Variants in KCNC4 observed in about 807,000 individuals in gnomAD.
The protein encoded by KCNC4 is voltage-gated potassium channel KCNC4.
A neutral mutation model predicts 42.8 loss-of-function variants in KCNC4; 23 were observed. The observed-to-expected ratio is 0.54, with a 90% CI of 0.39 to 0.76. The LOEUF (loss-of-function observed/expected upper bound fraction) is 0.76, where lower values mean the gene tolerates loss of function less well. Ranked by LOEUF, KCNC4 falls within the 30% of genes least tolerant of loss-of-function variation. The pLI is 0.00. For synonymous variants in KCNC4, 422 were observed against 393.5 expected (o/e 1.07, Z -0.86); for missense variants, 751 against 898.2 (o/e 0.84, Z 2.10).
chr1:110,278,512 G>A (rs1659764567), intron 1 of KCNC4, among the ~76,000 whole-genome samples: 1 of 152,156 alleles, frequency 6.6e-6, no homozygotes, highest in African/African-American at 2.4e-5. Flanking sequence ...TATCAATTGT[G>A]CCAAGGTTGA....
rs571660391 is a variant in KCNC4, at chr1:110,230,577, C to T, written c.1820-2334C>T. On this transcript the variant is annotated intron_variant, in intron 3 of 3. Coordinates refer to ENST00000438661, the MANE Select transcript of KCNC4 (RefSeq NM_001039574.3). ...CACGGCACCCACCGCCTCCTTCCCT[C>T]TCTTCCCTCCCACAGGGCTGGGTCT... Among the ~76,000 whole-genome samples the T allele has an allele frequency of 3.0e-4, 45 of 152,364 alleles. No individual in the cohort carries two copies. The South Asian group carries it at 8.3e-3, about 28-fold the overall frequency.
intron 1 of KCNC4, among the ~76,000 whole-genome samples, chr1:110,272,253 T>C (rs1659649333): frequency 6.6e-6 from 1 of 152,208 alleles, no homozygotes; most frequent in African/African-American, 2.4e-5. Context: ...ATTCACCCTC[T>C]TGAGAATTTC....
At chr1:110,251,368 C>A (rs1188003633), downstream of KCNC4, among the ~76,000 whole-genome samples, 2 of 152,176 alleles carry the variant, frequency 1.3e-5, no homozygotes, top group Admixed American at 6.5e-5. Flanking sequence ...ATAGTGAATA[C>A]ATCTCATGAG....
At chr1:110,248,481 G>A (rs757670044) in exon 4 of KCNC4, 11 of 151,006 alleles carry the variant, frequency 7.3e-5, no homozygotes, top group Non-Finnish European at 8.9e-5. Flanking sequence ...AGAGATTCAA[G>A]TGATTTGTAT....
Position 110,271,834 on chromosome 1 carries a change from A to C in KCNC4, n.31-10700A>C, listed in dbSNP as rs116180038. 9.5e-3 allele frequency among the ~76,000 whole-genome samples: 1,443 copies of C among 152,222 alleles called. 27 individuals are homozygous for C. Among genetic ancestry groups the C allele is most frequent in the African/African-American group, 0.033 (1,373 of 41,524 alleles). On this transcript the variant is annotated intron_variant and non_coding_transcript_variant, in intron 1 of 2. Coordinates refer to the KCNC4 transcript ENST00000412512. Reference sequence around the variant, plus strand: ...TTGGGAATCTTCCCTCTTGCTGCCAACTGTACAGTGACTCTGAAAAGCATC... The same window carrying C: ...TTGGGAATCTTCCCTCTTGCTGCCACCTGTACAGTGACTCTGAAAAGCATC...
intron 1 of KCNC4, among the ~76,000 whole-genome samples, chr1:110,218,786 A>G (rs772237022): frequency 6.6e-6 from 1 of 152,142 alleles, no homozygotes; most frequent in African/African-American, 2.4e-5. Flanking sequence ...GGACAGTCCA[A>G]CGGTGGGGTT....
exon 4 of KCNC4, chr1:110,246,430 G>C (rs1387902161): frequency 6.6e-6 from 1 of 152,192 alleles, no homozygotes; most frequent in Non-Finnish European, 1.5e-5. Flanking sequence ...CCACAGAACA[G>C]CTCCTTGAAC....
intron 3 of KCNC4, chr1:110,232,520 G>T: frequency 7.0e-7 from 1 of 1,436,152 alleles, no homozygotes; most frequent in South Asian, 1.5e-5. Context: ...GCAGAGCTAT[G>T]GTCCCTTTCT....
chr1:110,250,782 C>T (rs1659237577), downstream of KCNC4, among the ~76,000 whole-genome samples: 1 of 152,134 alleles, frequency 6.6e-6, no homozygotes, highest in Non-Finnish European at 1.5e-5. Context: ...AGCCAGTCTG[C>T]TAGGAGAGGC....
chr1:110,218,325 C>T (rs1326804044), intron 1 of KCNC4, among the ~76,000 whole-genome samples: 1 of 152,146 alleles, frequency 6.6e-6, no homozygotes, highest in Non-Finnish European at 1.5e-5. Flanking sequence ...AGATTGTAGC[C>T]TCAGGACCTT....
At chr1:110,278,296 A>T (rs1482001746) in intron 1 of KCNC4, among the ~76,000 whole-genome samples, 1 of 152,178 alleles carries the variant, frequency 6.6e-6, no homozygotes, top group African/African-American at 2.4e-5. Flanking sequence ...CTTTATCCAT[A>T]GATTGAGATG....
rs1187322989 is a variant in KCNC4, at chr1:110,233,511, T to C, written c.*539T>C. 6.3e-6 allele frequency: 1 copy of C among 157,916 alleles called. No homozygotes were observed. The highest frequency in any genetic ancestry group is 1.9e-4 in the East Asian group (1 of 5,350). 9.8% of individuals were successfully genotyped at this position (157,916 alleles called of 1,614,324 possible). A position where few individuals can be genotyped will look rare whatever the true frequency, so the allele number is the denominator to read the frequency against. Reference sequence around the variant, plus strand: ...TTCACTAGCCGCACCCCACCCCAGATTGGGGTTCTACCTCCCACCCCACAT... The same window carrying C: ...TTCACTAGCCGCACCCCACCCCAGACTGGGGTTCTACCTCCCACCCCACAT... On this transcript the variant is annotated 3_prime_UTR_variant, in exon 4 of 4. Coordinates refer to ENST00000438661, the MANE Select transcript of KCNC4 (RefSeq NM_001039574.3).
rs568631411 is a variant in KCNC4 at position 110,232,592 on chromosome 1, G to A, written c.1820-319G>A. On this transcript the variant is annotated intron_variant, in intron 3 of 3. Transcript: ENST00000438661. Reference sequence around the variant, plus strand: ...TGGTTCCTGGAGCTAGTGGTTACCTGAACAGGTATGGCGATGAGCTACAAC... The same window carrying A: ...TGGTTCCTGGAGCTAGTGGTTACCTAAACAGGTATGGCGATGAGCTACAAC... The A allele has an allele frequency of 1.3e-5, 18 of 1,437,196 alleles. No homozygotes were observed. The African/African-American group carries it at 1.6e-4, about 13-fold the overall frequency. The allele number at this position is 1,437,196 out of a possible 1,614,324, so 89.0% of individuals were successfully genotyped here.
chr1:110,229,943 G>A (rs1658611185), intron 3 of KCNC4, among the ~76,000 whole-genome samples: 1 of 152,210 alleles, frequency 6.6e-6, no homozygotes, highest in African/African-American at 2.4e-5. Context: ...GTAAGGTCCA[G>A]ATCTGCTCCT....
At chr1:110,213,467 G>A (rs542938531) in intron 1 of KCNC4, among the ~76,000 whole-genome samples, 2 of 152,300 alleles carry the variant, frequency 1.3e-5, no homozygotes, top group South Asian at 2.1e-4. Context: ...AGAAGGCAGG[G>A]TAGGGAATTG....
rs202030640 is a variant in KCNC4, at chr1:110,223,614, C to T, written c.1329C>T (p.Tyr443=). 9.9e-6 allele frequency: 16 copies of T among 1,614,114 alleles called. No homozygotes were observed. The highest frequency in any genetic ancestry group is 5.0e-5 in the Admixed American group (3 of 60,032). ...CGACACTGGGCTACGGAGACATGTA[C>T]CCCAAGACGTGGTCAGGCATGCTGG... ...TMTTLGYGDM[Y]PKTWSGMLVG... Residue 443 remains tyrosine, a synonymous_variant, in exon 2 of 4, where the codon TAC becomes TAT. Transcript: ENST00000438661. The surrounding 1 kb of genome is among the most constrained non-coding windows in gnomAD (Gnocchi z 7.5).
At chr1:110,261,842 C>A (rs1040322238) in intron 1 of KCNC4, among the ~76,000 whole-genome samples, 1 of 152,190 alleles carries the variant, frequency 6.6e-6, no homozygotes, top group Admixed American at 6.5e-5. Flanking sequence ...CCAATTTTCT[C>A]ATGGCAAGTA....
chr1:110,250,212 C>T (rs927259544), downstream of KCNC4, among the ~76,000 whole-genome samples: 2 of 152,054 alleles, frequency 1.3e-5, no homozygotes, highest in Non-Finnish European at 1.5e-5. Flanking sequence ...TGGCTAATGC[C>T]TACTTAGCTC....
Position 110,267,572 on chromosome 1 carries a change from C to T in KCNC4, n.31-14962C>T, listed in dbSNP as rs1451664920. ...CTGGCCAGCAAAACTTCATTTCAGC[C>T]TCTCTTAGGATTAGGTTATGCCCTT... is the stretch of plus-strand genomic sequence containing the variant. On this transcript the variant is annotated intron_variant and non_coding_transcript_variant, in intron 1 of 2. Transcript: ENST00000412512. 5.3e-5 allele frequency among the ~76,000 whole-genome samples: 8 copies of T among 152,196 alleles called. No homozygotes were observed. The East Asian group carries it at 1.3e-3, about 26-fold the overall frequency.
Sources: allele counts gnomAD v4.1 joint callset (sites outside exome capture counted in the v4.1 genomes callset), GRCh38; gene constraint gnomAD v4.1.1; non-coding constraint Gnocchi (gnomAD v3.1); transcripts MANE v1.5; gene names NCBI Gene and HGNC (gene_info 2026-07-23, HGNC 2026-07-21).